Variants in EPHA6 observed in about 807,000 individuals in gnomAD.
The protein encoded by EPHA6 is ephrin type-A receptor 6.
Under a neutral mutation model 112.0 loss-of-function variants are expected in EPHA6, and 50 were observed. That is an observed-to-expected ratio of 0.45 (90% confidence interval 0.36 to 0.56). The LOEUF (loss-of-function observed/expected upper bound fraction) is 0.56. Ranked by LOEUF, EPHA6 falls within the 20% of genes least tolerant of loss-of-function variation. The pLI is 0.00. For synonymous variants in EPHA6, 529 were observed against 490.7 expected (o/e 1.08, Z -1.03); for missense variants, 1,280 against 1,417.4 (o/e 0.90, Z 1.56).
intron 5 of EPHA6, among the ~76,000 whole-genome samples, chr3:97,292,261 C>T (rs1330388530): frequency 6.6e-6 from 1 of 152,222 alleles, no homozygotes; most frequent in Non-Finnish European, 1.5e-5. Flanking sequence ...GCTCAGGGAG[C>T]CCCAAGGTCT....
At chr3:97,693,895 C>A (rs1332375065) in intron 14 of EPHA6, among the ~76,000 whole-genome samples, 1 of 152,136 alleles carries the variant, frequency 6.6e-6, no homozygotes, top group African/African-American at 2.4e-5. Context: ...TTATAATCAT[C>A]ATCATCATCA....
chr3:97,587,996 C>T (rs2093506637), intron 11 of EPHA6, among the ~76,000 whole-genome samples: 1 of 152,182 alleles, frequency 6.6e-6, no homozygotes, highest in African/African-American at 2.4e-5. Context: ...TGATCACACA[C>T]ATCTAACAAT....
intron 5 of EPHA6, among the ~76,000 whole-genome samples, chr3:97,281,970 A>C (rs1236862064): frequency 6.6e-6 from 1 of 152,298 alleles, no homozygotes; most frequent in Middle Eastern, 3.4e-3. Flanking sequence ...TGGCACACAT[A>C]ATAAGTGTTC....
At chr3:97,371,439 G>T (rs529624048) in intron 5 of EPHA6, among the ~76,000 whole-genome samples, 3 of 152,074 alleles carry the variant, frequency 2.0e-5, no homozygotes, top group Admixed American at 2.0e-4. Context: ...AACATAAATT[G>T]TGAAGATTTC....
In EPHA6 at chr3:97,642,308, AC is replaced by A. The variant is rs994516420; in HGVS notation, c.2784+4228del. On this transcript the variant is annotated intron_variant, in intron 14 of 17. Coordinates refer to ENST00000389672, the MANE Select transcript of EPHA6 (RefSeq NM_001080448.3). ...CATCTGTACATCACCATCATCAAAG[AC>A]CAAAAGTAGATAAAACCACAAAGAT... 1.4e-3 allele frequency among the ~76,000 whole-genome samples: 149 copies of A among 108,060 alleles called. 3 individuals carry two copies. The highest frequency in any genetic ancestry group is 5.1e-3 in the African/African-American group (139 of 27,120). 70.9% of individuals were successfully genotyped at this position (108,060 alleles called of 152,430 possible). A position where few individuals can be genotyped will look rare whatever the true frequency, so the allele number is the denominator to read the frequency against.
At chr3:97,186,450 G>T (rs999151234) in intron 3 of EPHA6, among the ~76,000 whole-genome samples, 11 of 152,050 alleles carry the variant, frequency 7.2e-5, no homozygotes, top group Admixed American at 2.0e-4. Context: ...GTTGAGATAT[G>T]CCCCTCTCTC....
intron 14 of EPHA6, among the ~76,000 whole-genome samples, chr3:97,656,115 T>C (rs1421656204): frequency 1.3e-5 from 2 of 151,964 alleles, no homozygotes; most frequent in Non-Finnish European, 2.9e-5. Flanking sequence ...TATAAAACTA[T>C]AGAAAGAAAT....
chr3:96,946,365 C>T (rs2041257814), intron 2 of EPHA6, among the ~76,000 whole-genome samples: 2 of 147,142 alleles, frequency 1.4e-5, no homozygotes, highest in African/African-American at 2.5e-5. Context: ...TGATGTTACT[C>T]TTCCTGTGTC....
chr3:97,692,352 T>C (rs962953904), intron 14 of EPHA6, among the ~76,000 whole-genome samples: 15 of 152,204 alleles, frequency 9.9e-5, no homozygotes, highest in African/African-American at 2.9e-4. Context: ...TTCTGGAATA[T>C]GTAATAAACC....
chr3:97,751,865 T>C lies in EPHA6; in HGVS notation c.*3164T>C, dbSNP rs927510077. 6.6e-6 allele frequency among the ~76,000 whole-genome samples: 1 copy of C among 152,138 alleles called. No individual in the cohort carries two copies. Among genetic ancestry groups the C allele is most frequent in the Non-Finnish European group, 1.5e-5 (1 of 67,982 alleles). On this transcript the variant is annotated 3_prime_UTR_variant, in exon 18 of 18. Coordinates refer to ENST00000389672, the MANE Select transcript of EPHA6 (RefSeq NM_001080448.3). ...TGTTTTGGATTTTAAAACCAGACAG[T>C]TAAAAAATCATTTTCATTTTATTTC... is the stretch of plus-strand genomic sequence containing the variant.
chr3:97,100,082 C>A (rs2108257582), intron 3 of EPHA6, among the ~76,000 whole-genome samples: 1 of 151,754 alleles, frequency 6.6e-6, no homozygotes, highest in South Asian at 2.1e-4. Flanking sequence ...ATTGTATTGG[C>A]CAAAGCAACT....
At chr3:97,041,824 G>A (rs758127205) in intron 3 of EPHA6, among the ~76,000 whole-genome samples, 6 of 151,964 alleles carry the variant, frequency 3.9e-5, no homozygotes, top group Non-Finnish European at 8.8e-5. Flanking sequence ...TAAACAACCG[G>A]ATCTCCTGAG....
intron 10 of EPHA6, among the ~76,000 whole-genome samples, chr3:97,526,601 A>G (rs2092624238): frequency 6.6e-6 from 1 of 152,038 alleles, no homozygotes; most frequent in African/African-American, 2.4e-5. Context: ...GATGAAGGCC[A>G]GCAAGACTGT....
At chr3:97,334,240 T>C (rs959209793) in intron 5 of EPHA6, among the ~76,000 whole-genome samples, 1 of 152,034 alleles carries the variant, frequency 6.6e-6, no homozygotes, top group East Asian at 1.9e-4. Flanking sequence ...TAAGAGATAT[T>C]GGTCTTTATT....
At chr3:96,887,386 A>T (rs553284814) in intron 2 of EPHA6, among the ~76,000 whole-genome samples, 2 of 152,192 alleles carry the variant, frequency 1.3e-5, no homozygotes, top group South Asian at 4.1e-4. Context: ...CAGTGAGTCT[A>T]CCCGGCTCCA....
chr3:96,881,233 A>T (rs1224856956), intron 2 of EPHA6, among the ~76,000 whole-genome samples: 1 of 152,082 alleles, frequency 6.6e-6, no homozygotes, highest in Non-Finnish European at 1.5e-5. Context: ...AAATTGATAA[A>T]TCATTGTATT....
intron 13 of EPHA6, among the ~76,000 whole-genome samples, chr3:97,629,055 T>C (rs776023121): frequency 4.6e-5 from 7 of 151,900 alleles, no homozygotes; most frequent in Non-Finnish European, 1.0e-4. Flanking sequence ...CTCAGCCTCT[T>C]GAATAGCTGG....
At chr3:96,851,952 C>T (rs899846921) in intron 1 of EPHA6, among the ~76,000 whole-genome samples, 1 of 151,970 alleles carries the variant, frequency 6.6e-6, no homozygotes, top group Non-Finnish European at 1.5e-5. Flanking sequence ...GGAGAAATAT[C>T]GTCTTTAAGA....
intron 2 of EPHA6, among the ~76,000 whole-genome samples, chr3:96,985,571 A>G (rs892793044): frequency 1.3e-5 from 2 of 152,170 alleles, no homozygotes; most frequent in African/African-American, 4.8e-5. Context: ...AATATCATGT[A>G]TATTCCCATG....
Sources: allele counts gnomAD v4.1 joint callset (sites outside exome capture counted in the v4.1 genomes callset), GRCh38; gene constraint gnomAD v4.1.1; transcripts MANE v1.5; gene names NCBI Gene and HGNC (gene_info 2026-07-23, HGNC 2026-07-21).